SAMD4A: variants seen among roughly 807,000 people sequenced by gnomAD.
SAMD4A encodes sterile alpha motif domain containing 4A, also known as protein Smaug homolog 1.
A neutral mutation model predicts 81.3 loss-of-function variants in SAMD4A; 33 were observed. That is an observed-to-expected ratio of 0.41 (90% CI 0.31 to 0.54). The LOEUF is 0.54. Ranked by LOEUF, SAMD4A falls within the 20% of genes least tolerant of loss-of-function variation. SAMD4A has a pLI of 0.37. For synonymous variants in SAMD4A, 389 were observed against 382.1 expected, an observed-to-expected ratio of 1.02 and a Z score of -0.21; for missense variants, 854 against 951.1, an observed-to-expected ratio of 0.90 and a Z score of 1.34.
chr14:54,688,248 A>G (rs1042820696), intron 2 of SAMD4A: 1 of 985,444 alleles, frequency 1.0e-6, no homozygotes. Context: ...TCGTCAGACC[A>G]GTGAGTTGAT....
chr14:54,765,884 C>T (rs185983425), intron 8 of SAMD4A, among the ~76,000 whole-genome samples: 1 of 152,180 alleles, frequency 6.6e-6, no homozygotes, highest in African/African-American at 2.4e-5. Context: ...CATCCCAGCT[C>T]CCCCTTCCCC....
At chr14:54,713,005 G>GT (rs1293043522) in intron 3 of SAMD4A, among the ~76,000 whole-genome samples, 1 of 152,254 alleles carries the variant, frequency 6.6e-6, no homozygotes, top group Middle Eastern at 3.4e-3. Flanking sequence ...TTTGAGCCCT[G>GT]TAGTCTTATG....
intron 2 of SAMD4A, among the ~76,000 whole-genome samples, chr14:54,603,412 A>G (rs1362554383): frequency 6.6e-6 from 1 of 152,250 alleles, no homozygotes. Context: ...CTCTGACCTA[A>G]ATGAGCTGTC....
rs1041566656 is a variant in SAMD4A at position 54,702,006 on chromosome 14, G to A, written c.197-56G>A. On this transcript the variant is annotated intron_variant, in intron 2 of 12. Coordinates refer to ENST00000554335, the MANE Select transcript of SAMD4A (RefSeq NM_015589.6). Reference sequence around the variant, plus strand: ...CATAAAAATTCTCTTTAGAGTATCTGTTTAGAGTCACTGTGGGTGTATTTG... The same window carrying A: ...CATAAAAATTCTCTTTAGAGTATCTATTTAGAGTCACTGTGGGTGTATTTG... The A allele has an allele frequency of 1.9e-6, 3 of 1,563,476 alleles. No homozygotes were observed. In the Admixed American group the frequency reaches 5.1e-5, roughly 27 times the overall value.
At chr14:54,748,791 T>G (rs1365287579) in intron 4 of SAMD4A, 24 bp from the exon 5 acceptor site, 1 of 1,470,102 alleles carries the variant, frequency 6.8e-7, no homozygotes, top group Non-Finnish European at 9.3e-7. Flanking sequence ...TCTCTCCCCA[T>G]CTCTTGCACA....
At chr14:54,739,184 T>C (rs1013193907) in intron 4 of SAMD4A, among the ~76,000 whole-genome samples, 2 of 149,788 alleles carry the variant, frequency 1.3e-5, no homozygotes, top group Non-Finnish European at 3.0e-5. Context: ...TTAAGAGAAA[T>C]GAGAGAAAAG....
chr14:54,681,377 T>G (rs1475169066), intron 2 of SAMD4A, among the ~76,000 whole-genome samples: 1 of 152,034 alleles, frequency 6.6e-6, no homozygotes, highest in African/African-American at 2.4e-5. Flanking sequence ...GTAAATGTGA[T>G]TGTGTGTGTG....
intron 2 of SAMD4A, among the ~76,000 whole-genome samples, chr14:54,579,063 A>G (rs1169945521): frequency 6.6e-6 from 1 of 152,220 alleles, no homozygotes; most frequent in Admixed American, 6.5e-5. Flanking sequence ...AAAAATGACC[A>G]TATGATATTC....
intron 2 of SAMD4A, among the ~76,000 whole-genome samples, chr14:54,587,947 T>A (rs1183994692): frequency 6.6e-6 from 1 of 152,242 alleles, no homozygotes; most frequent in African/African-American, 2.4e-5. Flanking sequence ...TTTGGAATAG[T>A]GTCAATAGGA....
chr14:54,642,349 T>TA (rs1301613462), intron 2 of SAMD4A, among the ~76,000 whole-genome samples: 1 of 152,214 alleles, frequency 6.6e-6, no homozygotes, highest in African/African-American at 2.4e-5. Context: ...AATGAAGAGT[T>TA]ACAGTGTATA....
chr14:54,677,434 TG>T (rs956579862), intron 2 of SAMD4A, among the ~76,000 whole-genome samples: 1 of 152,252 alleles, frequency 6.6e-6, no homozygotes, highest in African/African-American at 2.4e-5. Flanking sequence ...TTCCTGAAAC[TG>T]ACTCATTCAG....
intron 2 of SAMD4A, among the ~76,000 whole-genome samples, chr14:54,701,730 C>T (rs762418136): frequency 6.6e-6 from 1 of 152,232 alleles, no homozygotes; most frequent in African/African-American, 2.4e-5. Flanking sequence ...AGCCCCCTGT[C>T]TATCAGGGGG....
Position 54,789,055 on chromosome 14 carries a change from T to TC in SAMD4A, c.*116dup. ...CTCCAAGATACTTTGCAGCCTTTTT[T>TC]CCCCCTGGTCCCTCTCCCGTTTTGA... On this transcript the variant is annotated 3_prime_UTR_variant, in exon 13 of 13. Transcript: ENST00000554335. 8.4e-7 allele frequency: 1 copy of TC among 1,184,314 alleles called. No homozygotes were observed. The highest frequency in any genetic ancestry group is 1.2e-5 in the South Asian group (1 of 81,626). The allele number at this position is 1,184,314 out of a possible 1,614,324, so 73.4% of individuals were successfully genotyped here.
chr14:54,621,350 T>G (rs2034610287), intron 2 of SAMD4A, among the ~76,000 whole-genome samples: 1 of 152,028 alleles, frequency 6.6e-6, no homozygotes, highest in Admixed American at 6.5e-5. Context: ...ATATTTTGTT[T>G]GTTTTGTTTT....
intron 3 of SAMD4A, among the ~76,000 whole-genome samples, chr14:54,730,921 A>G (rs1168716578): frequency 6.6e-6 from 1 of 152,246 alleles, no homozygotes; most frequent in African/African-American, 2.4e-5. Flanking sequence ...AGAGGAATCC[A>G]GGGTGTAATA....
intron 2 of SAMD4A, among the ~76,000 whole-genome samples, chr14:54,662,232 G>A (rs769542615): frequency 6.6e-5 from 10 of 152,200 alleles, no homozygotes; most frequent in Non-Finnish European, 1.2e-4. Context: ...ATCAATGGCA[G>A]ATTGAAATAA....
chr14:54,639,406 G>A (rs1566561370), intron 2 of SAMD4A, among the ~76,000 whole-genome samples: 1 of 152,152 alleles, frequency 6.6e-6, no homozygotes, highest in Non-Finnish European at 1.5e-5. Flanking sequence ...TGTCTAAAAT[G>A]CCTTGCTCTC....
At chr14:54,621,951 T>C (rs947911694) in intron 2 of SAMD4A, among the ~76,000 whole-genome samples, 17 of 152,208 alleles carry the variant, frequency 1.1e-4, no homozygotes, top group African/African-American at 4.1e-4. Context: ...TATTGTATTT[T>C]GTGTTACTCA....
chr14:54,742,288 G>A (rs1184098858), intron 4 of SAMD4A, among the ~76,000 whole-genome samples: 2 of 152,132 alleles, frequency 1.3e-5, no homozygotes, highest in African/African-American at 4.8e-5. Context: ...TGGGACATAT[G>A]GATAAGCCAT....
Sources: allele counts gnomAD v4.1 joint callset (sites outside exome capture counted in the v4.1 genomes callset), GRCh38; gene constraint gnomAD v4.1.1; transcripts MANE v1.5; gene names NCBI Gene and HGNC (gene_info 2026-07-23, HGNC 2026-07-21).